The following SORL1-AS1 variants were observed in gnomAD, a reference collection of about 807,000 sequenced individuals.
The protein encoded by SORL1-AS1 is lncRNA 51 A.
At chr11:121,444,712 C>A (rs934053116), downstream of SORL1-AS1, among the ~76,000 whole-genome samples, 5 of 152,176 alleles carry the variant, frequency 3.3e-5, no homozygotes, top group African/African-American at 9.7e-5. Flanking sequence ...TGCTGGGAGG[C>A]ATCCAAGACA....
At chr11:121,440,942 T>A in the SORL1-AS1 span, among the ~76,000 whole-genome samples, 1 of 152,226 alleles carries the variant, frequency 6.6e-6, no homozygotes, top group Non-Finnish European at 1.5e-5. Flanking sequence ...TGTCTTTTGT[T>A]ATAGGAGTGT....
the SORL1-AS1 span, among the ~76,000 whole-genome samples, chr11:121,441,589 G>A: frequency 3.3e-5 from 5 of 151,062 alleles, no homozygotes; most frequent in South Asian, 4.2e-4. Flanking sequence ...TTGCAGGTAG[G>A]TGTGACTATG....
chr11:121,441,775 C>T, the SORL1-AS1 span, among the ~76,000 whole-genome samples: 7 of 152,170 alleles, frequency 4.6e-5, no homozygotes, highest in South Asian at 1.5e-3. Flanking sequence ...CCTGAACTCC[C>T]GACAGCTGCA....
At chr11:121,441,609 T>A in the SORL1-AS1 span, among the ~76,000 whole-genome samples, 1 of 151,746 alleles carries the variant, frequency 6.6e-6, no homozygotes, top group Non-Finnish European at 1.5e-5. Flanking sequence ...GAGACTAAGT[T>A]CTGGCAAATG....
chr11:121,447,562 C>G (rs1860740681), exon 2 of SORL1-AS1: 1 of 152,080 alleles, frequency 6.6e-6, no homozygotes, highest in Non-Finnish European at 1.5e-5. Flanking sequence ...ATCCTCCCGC[C>G]TTGGCCTCTG....
At chr11:121,445,632 C>T (rs144985966), downstream of SORL1-AS1, among the ~76,000 whole-genome samples, 977 of 151,978 alleles carry the variant, frequency 6.4e-3, 9 homozygotes, top group African/African-American at 0.022. Flanking sequence ...TGCTTCCTCC[C>T]GGAACCAGAG....
At chr11:121,451,273 G>T (rs941459665) in intron 1 of SORL1-AS1, among the ~76,000 whole-genome samples, 1 of 152,142 alleles carries the variant, frequency 6.6e-6, no homozygotes, top group African/African-American at 2.4e-5. Context: ...TTTTCCTTGG[G>T]CGTACCTTAG....
chr11:121,452,369 C>A lies in SORL1-AS1; in HGVS notation n.339+306G>T. On this transcript the variant is annotated intron_variant and non_coding_transcript_variant, in intron 1 of 1. Transcript: ENST00000501964. This position sits in a 1 kb window ranked among gnomAD's most constrained non-coding sequence, Gnocchi z 5.3. ...AGCAGCAGGAGGGAGTCGCGACTCC[C>A]GTTCCTATTCACCCTGGTCGCACTG... The A allele has an allele frequency of 6.4e-7, 1 of 1,554,112 alleles. No individual in the cohort carries two copies. The highest frequency in any genetic ancestry group is 2.6e-5 in the East Asian group (1 of 38,566).
chr11:121,447,036 A>G (rs1860733559), downstream of SORL1-AS1, among the ~76,000 whole-genome samples: 1 of 152,236 alleles, frequency 6.6e-6, no homozygotes, highest in South Asian at 2.1e-4. Flanking sequence ...TCTTCAGCTT[A>G]AGTTCCTCTC....
rs1238052968 is a variant in SORL1-AS1, at chr11:121,452,611, G to C, written n.339+64C>G. Reference sequence around the variant, plus strand: ...GCAGCCCGAGCCCATCAAGGTGTACGGACAGGTGAGCAGTTTTGCAACCCG... The same window carrying C: ...GCAGCCCGAGCCCATCAAGGTGTACCGACAGGTGAGCAGTTTTGCAACCCG... On this transcript the variant is annotated intron_variant and non_coding_transcript_variant, in intron 1 of 1. Transcript: ENST00000501964. The surrounding 1 kb of genome is among the most constrained non-coding windows in gnomAD (Gnocchi z 5.3). The C allele has an allele frequency of 6.7e-7, 1 of 1,496,206 alleles. No individual in the cohort carries two copies. The highest frequency in any genetic ancestry group is 2.2e-5 in the Admixed American group (1 of 45,104). 92.7% of individuals were successfully genotyped at this position (1,496,206 alleles called of 1,614,324 possible). A position where few individuals can be genotyped will look rare whatever the true frequency, so the allele number is the denominator to read the frequency against.
chr11:121,443,610 C>T (rs566842804), downstream of SORL1-AS1, among the ~76,000 whole-genome samples: 9 of 152,234 alleles, frequency 5.9e-5, no homozygotes, highest in African/African-American at 1.7e-4. Context: ...GTACAGCTCA[C>T]GTTTGAAGGG....
chr11:121,438,488 T>C, the SORL1-AS1 span, among the ~76,000 whole-genome samples: 1 of 152,180 alleles, frequency 6.6e-6, no homozygotes. Context: ...TTCTGATTTC[T>C]ATTTCCATAG....
At chr11:121,448,531 T>A (rs1860752025) in exon 2 of SORL1-AS1, 1 of 152,206 alleles carries the variant, frequency 6.6e-6, no homozygotes, top group Non-Finnish European at 1.5e-5. Flanking sequence ...TCTGGTTGCG[T>A]GACTCAGAGA....
chr11:121,442,617 A>G (rs535246329), downstream of SORL1-AS1, among the ~76,000 whole-genome samples: 1 of 151,318 alleles, frequency 6.6e-6, no homozygotes, highest in East Asian at 1.9e-4. Flanking sequence ...CCTGGGTGAC[A>G]GAGTGAGGCT....
In SORL1-AS1 at chr11:121,452,249, G is replaced by A. The variant is rs941831192; in HGVS notation, n.339+426C>T. The stretch of plus-strand genomic sequence containing the variant: ...TGGAGCCCCGGGAGCGGCGCGCGCG[G>A]TCCCGGCCCAGCGGCTCTCCTGGCC... On this transcript the variant is annotated intron_variant and non_coding_transcript_variant, in intron 1 of 1. Coordinates refer to ENST00000501964, the Ensembl canonical transcript of SORL1-AS1. The surrounding 1 kb of genome is among the most constrained non-coding windows in gnomAD (Gnocchi z 5.3). 6 of 1,197,102 alleles carry A rather than the reference G, an allele frequency of 5.0e-6. No homozygotes were observed. Among genetic ancestry groups the A allele is most frequent in the African/African-American group, 1.6e-5 (1 of 62,132 alleles). The allele number at this position is 1,197,102 out of a possible 1,614,324, so 74.2% of individuals were successfully genotyped here. A position where few individuals can be genotyped will look rare whatever the true frequency, so the allele number is the denominator to read the frequency against.
chr11:121,447,078 C>G (rs182915685), downstream of SORL1-AS1, among the ~76,000 whole-genome samples: 38 of 152,344 alleles, frequency 2.5e-4, 1 homozygote, highest in Admixed American at 6.5e-4. Flanking sequence ...GGGAGTCCTA[C>G]TCCTCTATAT....
exon 2 of SORL1-AS1, chr11:121,448,987 A>G (rs1031104600): frequency 3.1e-4 from 47 of 152,320 alleles, no homozygotes; most frequent in African/African-American, 1.1e-3. Flanking sequence ...AACAGAAAGA[A>G]GTCAAATTAG....
the SORL1-AS1 span, among the ~76,000 whole-genome samples, chr11:121,441,745 C>T: frequency 0.021 from 3,119 of 152,112 alleles, 49 homozygotes; most frequent in African/African-American, 0.027. Context: ...TGGGATGGCA[C>T]AGCAATGAGA....
chr11:121,445,873 T>C (rs370313196), downstream of SORL1-AS1, among the ~76,000 whole-genome samples: 187 of 152,282 alleles, frequency 1.2e-3, no homozygotes, highest in African/African-American at 4.1e-3. Flanking sequence ...GTGTCCTTTA[T>C]AGGCATTTGA....
Sources: gnomAD v4.1 joint callset for allele counts (sites outside exome capture counted in the v4.1 genomes callset) on GRCh38, gnomAD v4.1.1 for gene constraint, Gnocchi (gnomAD v3.1) non-coding constraint, MANE v1.5 for transcripts, NCBI Gene and HGNC (gene_info 2026-07-23, HGNC 2026-07-21) for gene names.